HIVEP3: variants seen among roughly 807,000 people sequenced by gnomAD.
HIVEP3 encodes HIVEP zinc finger 3.
In HIVEP3, 49 loss-of-function variants were observed where a neutral mutation model predicts 152.8. The observed-to-expected ratio is 0.32, with a 90% CI of 0.26 to 0.41. HIVEP3 has a LOEUF of 0.41. Ranked by LOEUF, HIVEP3 falls within the 10% of genes least tolerant of loss-of-function variation. The probability of loss-of-function intolerance (pLI) is 1.00; values close to 1 mark genes in which losing one functional copy is unlikely to be tolerated. For missense variants in HIVEP3, 2,790 were observed against 3,103.3 expected (o/e 0.90, Z 2.40); for synonymous variants, 1,269 against 1,289.0 (o/e 0.98, Z 0.33).
At chr1:41,625,639 A>G (rs4641303) in intron 3 of HIVEP3, among the ~76,000 whole-genome samples, 89,770 of 151,786 alleles carry the variant, frequency 0.59, 27,374 homozygotes, top group African/African-American at 0.75. Context: ...GGAAGCTGAG[A>G]TAGGAGGATC....
At chr1:41,513,817 C>A in intron 7 of HIVEP3, 67 bp from the exon 8 acceptor site, 1 of 1,298,806 alleles carries the variant, frequency 7.7e-7, no homozygotes, top group East Asian at 2.7e-5. Flanking sequence ...CACGGCTGCT[C>A]CTCTCTGAGC....
intron 1 of HIVEP3, among the ~76,000 whole-genome samples, chr1:41,838,239 T>C (rs944560525): frequency 5.9e-5 from 9 of 152,198 alleles, no homozygotes; most frequent in African/African-American, 1.9e-4. Context: ...CACTATATTA[T>C]ATCACAATAT....
intron 2 of HIVEP3, among the ~76,000 whole-genome samples, chr1:41,636,399 G>A (rs1402340235): frequency 6.6e-6 from 1 of 152,040 alleles, no homozygotes; most frequent in East Asian, 1.9e-4. Context: ...CTTTAGTGTT[G>A]GAAAATAACT....
rs187741939 is a variant in HIVEP3 at position 41,791,516 on chromosome 1, G to A, written c.-800-90521C>T. On this transcript the variant is annotated intron_variant, in intron 1 of 8. Transcript: ENST00000372583. ...TTTTTTATATATAATGGATGTGATGGCTGGTGCTCCAGCAGCCATCTTAGA... is the reference window on the plus strand; with the variant it reads ...TTTTTTATATATAATGGATGTGATGACTGGTGCTCCAGCAGCCATCTTAGA... Among the ~76,000 whole-genome samples the A allele has an allele frequency of 1.7e-3, 259 of 152,186 alleles. 3 individuals carry two copies. Among genetic ancestry groups the A allele is most frequent in the African/African-American group, 6.1e-3 (253 of 41,498 alleles).
rs1278018711 is a variant in HIVEP3 at position 41,585,035 on chromosome 1, G to GA, written c.-239dup. The GA allele has an allele frequency of 2.5e-6, 1 of 403,660 alleles. No individual in the cohort carries two copies. Among genetic ancestry groups the GA allele is most frequent in the African/African-American group, 2.1e-5 (1 of 48,694 alleles). 25.0% of individuals were successfully genotyped at this position (403,660 alleles called of 1,614,324 possible). ...GTGAGGCATGGCCCTCTACTTTGCA[G>GA]ACAGAAAACGCACCAGCACTTTCTG... On this transcript the variant is annotated 5_prime_UTR_variant, in exon 4 of 9. The change abolishes the stop of an existing upstream ORF in the 5' untranslated region. Coordinates refer to ENST00000372583, the MANE Select transcript of HIVEP3 (RefSeq NM_024503.5).
chr1:41,758,849 C>T (rs1225514016), intron 1 of HIVEP3, among the ~76,000 whole-genome samples: 2 of 152,196 alleles, frequency 1.3e-5, no homozygotes, highest in Admixed American at 6.5e-5. Context: ...AGACACCTCC[C>T]TTTTAGGAGA....
At chr1:41,666,295 C>T (rs1570265042) in intron 2 of HIVEP3, among the ~76,000 whole-genome samples, 1 of 152,182 alleles carries the variant, frequency 6.6e-6, no homozygotes, top group East Asian at 1.9e-4. Context: ...CAGTTCCCAT[C>T]CTTTCTCTCC....
intron 1 of HIVEP3, among the ~76,000 whole-genome samples, chr1:42,017,872 A>G (rs931597519): frequency 1.3e-5 from 2 of 152,114 alleles, no homozygotes; most frequent in African/African-American, 4.8e-5. Context: ...TAATAGCTGT[A>G]TCAGTTTACA....
intron 1 of HIVEP3, among the ~76,000 whole-genome samples, chr1:41,781,543 T>C (rs920129470): frequency 6.6e-6 from 1 of 152,158 alleles, no homozygotes; most frequent in Admixed American, 6.5e-5. Flanking sequence ...GGCAACAATC[T>C]CCCTCTGGCC....
At chr1:41,786,803 G>A (rs1212743555) in intron 1 of HIVEP3, among the ~76,000 whole-genome samples, 1 of 150,320 alleles carries the variant, frequency 6.7e-6, no homozygotes, top group Non-Finnish European at 1.5e-5. Context: ...ACAAGCTGGA[G>A]TACAGTGGCA....
At chr1:41,695,959 A>G (rs1646267691) in intron 2 of HIVEP3, among the ~76,000 whole-genome samples, 1 of 152,202 alleles carries the variant, frequency 6.6e-6, no homozygotes, top group African/African-American at 2.4e-5. Flanking sequence ...TCCACGGTCA[A>G]GTCCCTGCCA....
chr1:42,018,710 T>C (rs926183915), intron 1 of HIVEP3, among the ~76,000 whole-genome samples: 1 of 152,002 alleles, frequency 6.6e-6, no homozygotes, highest in East Asian at 1.9e-4. Flanking sequence ...GGATATAAGT[T>C]CTCCTTGACT....
rs1258318904 is a variant in HIVEP3, at chr1:41,901,070, C to A, written c.-801+17343G>T. Among the ~76,000 whole-genome samples, 3 of 151,998 alleles carry A rather than the reference C, an allele frequency of 2.0e-5. 1 individual carries two copies. The highest frequency in any genetic ancestry group is 4.4e-5 in the Non-Finnish European group (3 of 68,028). On this transcript the variant is annotated intron_variant, in intron 1 of 8. Coordinates refer to ENST00000372583, the MANE Select transcript of HIVEP3 (RefSeq NM_024503.5). ...GGATGGATAAGTGGATGGATTCATG[C>A]ACTCGTCCTTAGGAGGAGGAATGCA...
chr1:41,762,223 C>G (rs1647736261), intron 1 of HIVEP3, among the ~76,000 whole-genome samples: 1 of 152,104 alleles, frequency 6.6e-6, no homozygotes, highest in Non-Finnish European at 1.5e-5. Flanking sequence ...AACCTCACAT[C>G]CCCTCTCTGC....
At chr1:42,006,044 CAA>C (rs1036427376) in intron 1 of HIVEP3, among the ~76,000 whole-genome samples, 3 of 152,084 alleles carry the variant, frequency 2.0e-5, no homozygotes, top group African/African-American at 7.2e-5. Context: ...AAGGTCACGA[CAA>C]GTTAAAAATG....
intron 1 of HIVEP3, among the ~76,000 whole-genome samples, chr1:41,804,338 T>C (rs544296890): frequency 6.6e-6 from 1 of 152,308 alleles, no homozygotes; most frequent in South Asian, 2.1e-4. Context: ...AAGGTTCCTG[T>C]GTGAAAGCTA....
At chr1:41,572,820 T>G (rs1025404895) in intron 5 of HIVEP3, among the ~76,000 whole-genome samples, 1 of 152,258 alleles carries the variant, frequency 6.6e-6, no homozygotes, top group Non-Finnish European at 1.5e-5. Context: ...TGTATCAACA[T>G]GGATGCACGT....
At chr1:41,609,405 G>A (rs867276347) in intron 3 of HIVEP3, among the ~76,000 whole-genome samples, 9 of 152,254 alleles carry the variant, frequency 5.9e-5, no homozygotes, top group South Asian at 2.1e-4. Context: ...TCAATGACCC[G>A]ACTGCCTAAG....
intron 1 of HIVEP3, among the ~76,000 whole-genome samples, chr1:41,911,485 A>G (rs535846353): frequency 2.0e-5 from 3 of 152,346 alleles, no homozygotes; most frequent in South Asian, 4.1e-4. Flanking sequence ...AGAATTCTGA[A>G]CTATCCTAGC....
Sources: allele counts gnomAD v4.1 joint callset (sites outside exome capture counted in the v4.1 genomes callset), GRCh38; gene constraint gnomAD v4.1.1; transcripts MANE v1.5; gene names NCBI Gene and HGNC (gene_info 2026-07-23, HGNC 2026-07-21).